The following RBFOX3 variants were observed in gnomAD, a reference collection of about 807,000 sequenced individuals.
RBFOX3 encodes the protein RNA binding fox-1 homolog 3, also known as RNA binding protein fox-1 homolog 3.
Under a neutral mutation model 48.7 loss-of-function variants are expected in RBFOX3, and 17 were observed. The observed-to-expected ratio is 0.35, with a 90% CI of 0.24 to 0.52. RBFOX3 has a LOEUF of 0.52. Among genes scored for constraint, RBFOX3 ranks in the 20% least tolerant of loss-of-function variants. The pLI is 0.94. For synonymous variants in RBFOX3, 212 were observed against 209.5 expected (o/e 1.01, Z -0.10); for missense variants, 382 against 497.5 (o/e 0.77, Z 2.21).
At chr17:79,136,302 A>C (rs892860255) in intron 4 of RBFOX3, 1 of 152,358 alleles carries the variant, frequency 6.6e-6, no homozygotes, top group Non-Finnish European at 1.5e-5. Flanking sequence ...CAGCCAGAGG[A>C]AGTGCCATGG....
intron 2 of RBFOX3, among the ~76,000 whole-genome samples, chr17:79,444,798 C>A (rs1555737161): frequency 1.3e-5 from 2 of 151,902 alleles, no homozygotes; most frequent in African/African-American, 4.8e-5. Flanking sequence ...TATATATAGT[C>A]AGTTATATAT....
intron 2 of RBFOX3, among the ~76,000 whole-genome samples, chr17:79,403,106 CA>C (rs763402090): frequency 1.0e-3 from 157 of 152,280 alleles, no homozygotes; most frequent in Admixed American, 3.2e-3. Flanking sequence ...GGACTGCAGC[CA>C]GGGGGAAGGA....
chr17:79,197,195 T>C (rs572769376), intron 4 of RBFOX3, among the ~76,000 whole-genome samples: 1 of 152,262 alleles, frequency 6.6e-6, no homozygotes, highest in Admixed American at 6.5e-5. Context: ...ATAAGAGGCA[T>C]CCTCACATGC....
intron 1 of RBFOX3, among the ~76,000 whole-genome samples, chr17:79,554,482 T>C (rs914617406): frequency 0.081 from 5,607 of 69,118 alleles, 663 homozygotes; most frequent in Middle Eastern, 0.12. Context: ...CCTCTCCATC[T>C]TCACTCACAG....
chr17:79,499,047 TC>T (rs1555776148), intron 1 of RBFOX3, among the ~76,000 whole-genome samples: 1 of 150,368 alleles, frequency 6.7e-6, no homozygotes, highest in Non-Finnish European at 1.5e-5. Flanking sequence ...CATCTACCCA[TC>T]CATCCATCCA....
In RBFOX3 at chr17:79,482,387, A is replaced by C. The variant is rs2078900526; in HGVS notation, c.-175+67T>G. The C allele has an allele frequency of 6.6e-6, 1 of 152,270 alleles. No individual in the cohort carries two copies. Among genetic ancestry groups the C allele is most frequent in the East Asian group, 1.9e-4 (1 of 5,184 alleles). The allele number at this position is 152,270 out of a possible 1,614,324, so 9.4% of individuals were successfully genotyped here. On this transcript the variant is annotated intron_variant, in intron 2 of 14. Transcript: ENST00000693108. This position sits in a 1 kb window ranked among gnomAD's most constrained non-coding sequence, Gnocchi z 4.1. The stretch of plus-strand genomic sequence containing the variant: ...TGCTGGAAAATCAAATCACCGCATT[A>C]AAACGTATTTCCTCCACAAATGCAA...
At chr17:79,092,096 C>T in intron 14 of RBFOX3, 2 of 985,494 alleles carry the variant, frequency 2.0e-6, no homozygotes, top group Non-Finnish European at 1.2e-6. Context: ...GCCCCTCCCT[C>T]CCTGCGTCAG....
intron 2 of RBFOX3, among the ~76,000 whole-genome samples, chr17:79,347,032 C>A (rs2083036404): frequency 6.6e-6 from 1 of 152,218 alleles, no homozygotes; most frequent in African/African-American, 2.4e-5. Flanking sequence ...AATCCTTACA[C>A]ATCTAGCTTC....
At chr17:79,313,484 C>A (rs111795290) in intron 2 of RBFOX3, among the ~76,000 whole-genome samples, 58 of 152,324 alleles carry the variant, frequency 3.8e-4, no homozygotes, top group South Asian at 1.2e-3. Flanking sequence ...CCAGACCCCC[C>A]TGCAGGTCCC....
intron 14 of RBFOX3, chr17:79,092,416 G>A: frequency 1.0e-6 from 1 of 985,758 alleles, no homozygotes; most frequent in Non-Finnish European, 1.2e-6. Context: ...CAGGTGGGGT[G>A]GGGAGACCAA....
At chr17:79,517,043 G>T (rs1265691521) in intron 1 of RBFOX3, among the ~76,000 whole-genome samples, 1 of 152,130 alleles carries the variant, frequency 6.6e-6, no homozygotes, top group African/African-American at 2.4e-5. Context: ...TCTGGAGGTG[G>T]ATGGTCACGA....
intron 1 of RBFOX3, among the ~76,000 whole-genome samples, chr17:79,586,137 T>C (rs1199833657): frequency 6.6e-6 from 1 of 152,196 alleles, no homozygotes; most frequent in Non-Finnish European, 1.5e-5. Context: ...AGGGTCTACT[T>C]CCTTGCCCTT....
chr17:79,112,970 G>A (rs978126970), intron 5 of RBFOX3, among the ~76,000 whole-genome samples: 2 of 150,304 alleles, frequency 1.3e-5, no homozygotes, highest in Non-Finnish European at 2.9e-5. Flanking sequence ...GGTACTTGGT[G>A]GCTGCACACG....
At chr17:79,142,140 AAC>A (rs2042041002) in intron 4 of RBFOX3, among the ~76,000 whole-genome samples, 1 of 152,178 alleles carries the variant, frequency 6.6e-6, no homozygotes, top group African/African-American at 2.4e-5. Flanking sequence ...CCACACCGAA[AAC>A]ACAACCTTGC....
intron 1 of RBFOX3, among the ~76,000 whole-genome samples, chr17:79,590,816 T>C (rs1338766275): frequency 6.6e-6 from 1 of 152,178 alleles, no homozygotes; most frequent in Non-Finnish European, 1.5e-5. Flanking sequence ...AGCTCAGCCC[T>C]GGGGTAAGAG....
chr17:79,276,821 C>T (rs1424988820), intron 3 of RBFOX3, among the ~76,000 whole-genome samples: 1 of 152,230 alleles, frequency 6.6e-6, no homozygotes, highest in African/African-American at 2.4e-5. Flanking sequence ...CAATATACAA[C>T]AGCTCTCTGA....
chr17:79,109,805 A>G (rs548313124), intron 5 of RBFOX3, among the ~76,000 whole-genome samples: 3 of 152,274 alleles, frequency 2.0e-5, no homozygotes, highest in South Asian at 4.1e-4. Flanking sequence ...GCCCACCCAC[A>G]GGCGCTGGGG....
chr17:79,168,026 T>C (rs886972499), intron 4 of RBFOX3, among the ~76,000 whole-genome samples: 6 of 152,128 alleles, frequency 3.9e-5, no homozygotes, highest in Non-Finnish European at 8.8e-5. Context: ...GCCCCAGGGC[T>C]GGGTGAGGGG....
chr17:79,469,839 T>C (rs1555755898), intron 2 of RBFOX3, among the ~76,000 whole-genome samples: 3 of 152,112 alleles, frequency 2.0e-5, no homozygotes, highest in African/African-American at 7.2e-5. Flanking sequence ...GGGGAGCACG[T>C]GCACGGAGGA....
Sources: gnomAD v4.1 joint callset for allele counts (sites outside exome capture counted in the v4.1 genomes callset) on GRCh38, gnomAD v4.1.1 for gene constraint, Gnocchi (gnomAD v3.1) non-coding constraint, MANE v1.5 for transcripts, NCBI Gene and HGNC (gene_info 2026-07-23, HGNC 2026-07-21) for gene names.